SCAI: variants seen among roughly 807,000 people sequenced by gnomAD.
SCAI encodes suppressor of cancer cell invasion.
A neutral mutation model predicts 92.2 loss-of-function variants in SCAI; 24 were observed. The observed-to-expected ratio is 0.26, with a 90% CI of 0.19 to 0.37. The LOEUF (loss-of-function observed/expected upper bound fraction) is 0.37, where lower values mean the gene tolerates loss of function less well. SCAI is among the 10% of genes least tolerant of loss of function. SCAI has a pLI of 1.00. For missense variants in SCAI, 450 were observed against 736.2 expected (o/e 0.61, Z 4.50); for synonymous variants, 261 against 258.6 (o/e 1.01, Z -0.09).
chr9:125,035,291 A>G (rs1207590428), intron 3 of SCAI, among the ~76,000 whole-genome samples: 4 of 151,804 alleles, frequency 2.6e-5, no homozygotes, highest in African/African-American at 9.7e-5. Flanking sequence ...GGAGGTCGGG[A>G]CTGCAGTGAG....
At chr9:125,101,118 A>C (rs919504526) in intron 2 of SCAI, among the ~76,000 whole-genome samples, 1 of 152,186 alleles carries the variant, frequency 6.6e-6, no homozygotes, top group Non-Finnish European at 1.5e-5. Context: ...GCACAGATTG[A>C]TGAGGAGGGG....
intron 14 of SCAI, among the ~76,000 whole-genome samples, chr9:124,980,463 TAA>T (rs1288833080): frequency 1.3e-5 from 2 of 152,120 alleles, no homozygotes; most frequent in East Asian, 3.8e-4. Flanking sequence ...GCAGAACTGA[TAA>T]AGAGTGGCTC....
intron 2 of SCAI, among the ~76,000 whole-genome samples, chr9:125,078,691 G>A (rs1834146270): frequency 6.6e-6 from 1 of 152,116 alleles, no homozygotes; most frequent in Non-Finnish European, 1.5e-5. Flanking sequence ...CAAGGCAGGA[G>A]AGTCACTTGA....
intron 14 of SCAI, among the ~76,000 whole-genome samples, chr9:124,987,274 G>A (rs1399708799): frequency 6.6e-6 from 1 of 152,074 alleles, no homozygotes; most frequent in Admixed American, 6.6e-5. Flanking sequence ...CGCCTGCCTC[G>A]GCCTCCCAAA....
chr9:124,986,240 G>A (rs1213124720), intron 14 of SCAI, among the ~76,000 whole-genome samples: 3 of 152,056 alleles, frequency 2.0e-5, no homozygotes, highest in South Asian at 2.1e-4. Flanking sequence ...GCAGTGAGCC[G>A]AGATCACGCC....
At chr9:124,958,081 G>A (rs1193343581) in intron 17 of SCAI, among the ~76,000 whole-genome samples, 1 of 152,118 alleles carries the variant, frequency 6.6e-6, no homozygotes, top group East Asian at 1.9e-4. Context: ...TAAAATCCTG[G>A]TGAAAGAAAC....
intron 13 of SCAI, among the ~76,000 whole-genome samples, chr9:124,999,510 G>A (rs951559438): frequency 7.9e-5 from 12 of 152,096 alleles, no homozygotes; most frequent in Non-Finnish European, 1.8e-4. Flanking sequence ...GAGTGACAGA[G>A]GAAGACTCCA....
At chr9:125,125,831 CAA>C (rs34484716) in intron 2 of SCAI, among the ~76,000 whole-genome samples, 20 of 81,956 alleles carry the variant, frequency 2.4e-4, no homozygotes, top group African/African-American at 3.2e-4. Flanking sequence ...GACTTTGTCT[CAA>C]AAAAAAAAAA....
intron 7 of SCAI, 22 bp from the exon 8 acceptor site, chr9:125,019,227 A>G (rs775568419): frequency 5.8e-6 from 8 of 1,386,436 alleles, no homozygotes; most frequent in South Asian, 3.7e-5. Context: ...AACATCACAA[A>G]AAAGGTTATT....
chr9:125,072,937 T>C (rs1443165307), intron 2 of SCAI, among the ~76,000 whole-genome samples: 1 of 152,026 alleles, frequency 6.6e-6, no homozygotes, highest in African/African-American at 2.4e-5. Context: ...ATTCATCCAC[T>C]GATGGACACA....
In SCAI at chr9:125,029,683, T is replaced by G; in HGVS notation, c.287A>C (p.Asp96Ala). 1 of 1,613,322 alleles carries G rather than the reference T, an allele frequency of 6.2e-7. No homozygotes were observed. Among genetic ancestry groups the G allele is most frequent in the Non-Finnish European group, 8.5e-7 (1 of 1,179,504 alleles). The stretch of plus-strand genomic sequence containing the variant: ...GAACTTCCAGAGTTTGGTGTAAACA[T>G]CAAAAGTTCTTCCAAAATAGGACTG... ...QWQSYFGRTF[D>A]VYTKLWKFQQ... Residue 96 changes from aspartate (D) to alanine (A), a missense_variant, in exon 4 of 18, where the codon GAT becomes GCT. Coordinates refer to ENST00000336505, the MANE Select transcript of SCAI (RefSeq NM_001144877.3).
chr9:125,047,654 G>A (rs962894437), intron 3 of SCAI, among the ~76,000 whole-genome samples: 1 of 152,170 alleles, frequency 6.6e-6, no homozygotes. Flanking sequence ...CAGCCATTAT[G>A]AGAACAGAAA....
At chr9:124,959,463 C>CAT (rs749324371) in intron 17 of SCAI, among the ~76,000 whole-genome samples, 5,736 of 115,924 alleles carry the variant, frequency 0.049, 138 homozygotes, top group Non-Finnish European at 0.064. Context: ...CTAGCAATTT[C>CAT]ATATATATAT....
intron 2 of SCAI, among the ~76,000 whole-genome samples, chr9:125,121,524 C>A (rs1029737097): frequency 2.6e-5 from 4 of 151,686 alleles, no homozygotes; most frequent in African/African-American, 7.3e-5. Flanking sequence ...TAGTGGTTTC[C>A]AACATTTTCA....
intron 15 of SCAI, chr9:124,975,218 GT>G: frequency 5.2e-6 from 2 of 385,488 alleles, no homozygotes; most frequent in Non-Finnish European, 5.2e-6. Context: ...ATTTCTACAT[GT>G]TTTTCCCTGT....
rs1197453310 is a variant in SCAI at position 125,002,032 on chromosome 9, G to A, written c.1077C>T (p.Ala359=). 1 of 1,612,028 alleles carries A rather than the reference G, an allele frequency of 6.2e-7. No individual in the cohort carries two copies. Among genetic ancestry groups the A allele is most frequent in the Admixed American group, 1.7e-5 (1 of 59,996 alleles). Residue 359 remains alanine, a synonymous_variant, in exon 12 of 18, where the codon GCC becomes GCT. Transcript: ENST00000336505. ...FLAASFKELP[A]NSVLLIYLSA... The stretch of plus-strand genomic sequence containing the variant: ...ACAGGTAAATCAGAAGCACGCTATT[G>A]GCAGGCAGCTCCTGAAATGAAAGAA...
At chr9:124,987,096 G>A (rs1026581457) in intron 14 of SCAI, among the ~76,000 whole-genome samples, 7 of 152,050 alleles carry the variant, frequency 4.6e-5, no homozygotes, top group Admixed American at 6.6e-5. Context: ...GCAGTGGTGC[G>A]ATCTCGGCTC....
intron 14 of SCAI, among the ~76,000 whole-genome samples, chr9:124,981,840 T>C (rs1280517634): frequency 2.0e-5 from 3 of 152,028 alleles, no homozygotes; most frequent in Non-Finnish European, 4.4e-5. Context: ...AGATGGGGTC[T>C]TGCTATATTG....
chr9:125,072,059 C>G (rs1220346029), intron 2 of SCAI, among the ~76,000 whole-genome samples: 4 of 149,690 alleles, frequency 2.7e-5, no homozygotes, highest in Non-Finnish European at 5.9e-5. Flanking sequence ...CAGTCTTGCT[C>G]TGTCACCAGG....
Sources: allele counts gnomAD v4.1 joint callset (sites outside exome capture counted in the v4.1 genomes callset), GRCh38; gene constraint gnomAD v4.1.1; transcripts MANE v1.5; gene names NCBI Gene and HGNC (gene_info 2026-07-23, HGNC 2026-07-21).